Variants in CSMD1 observed in about 807,000 individuals in gnomAD.
The protein encoded by CSMD1 is CUB and Sushi multiple domains 1, also known as CUB and sushi domain-containing protein 1.
In CSMD1, 213 loss-of-function variants were observed where a neutral mutation model predicts 417.5. The observed-to-expected ratio is 0.51, with a 90% confidence interval of 0.46 to 0.57. CSMD1 has a LOEUF of 0.57. CSMD1 is among the 20% of genes least tolerant of loss of function. CSMD1 has a pLI of 0.00. For synonymous variants in CSMD1, 2,862 were observed against 1,736.8 expected (o/e 1.65, Z -16.11); for missense variants, 6,923 against 4,529.7 (o/e 1.53, Z -15.17).
chr8:3,390,115 G>T (rs935385601), intron 17 of CSMD1, among the ~76,000 whole-genome samples: 1 of 152,068 alleles, frequency 6.6e-6, no homozygotes, highest in African/African-American at 2.4e-5. Context: ...AGCACTTTGG[G>T]AGGCCGAGGT....
At chr8:3,991,163 G>A (rs891436761) in intron 5 of CSMD1, among the ~76,000 whole-genome samples, 6 of 152,180 alleles carry the variant, frequency 3.9e-5, no homozygotes, top group African/African-American at 1.2e-4. Flanking sequence ...TTGTGGAGAG[G>A]GTGCCTAATC....
chr8:3,447,014 G>A lies in CSMD1; in HGVS notation c.1561+21698C>T, dbSNP rs908380367. On this transcript the variant is annotated intron_variant, in intron 12 of 69. Coordinates refer to ENST00000635120, the MANE Select transcript of CSMD1 (RefSeq NM_033225.6). ...TAAAGAATAAAGGAATTGGTGAAAT[G>A]TTATTTCATTTTCAGGAAGACAGAA... Among the ~76,000 whole-genome samples the A allele has an allele frequency of 3.3e-5, 5 of 152,296 alleles. No homozygotes were observed. In the South Asian group the frequency reaches 6.2e-4, roughly 19 times the overall value.
chr8:3,407,727 T>C, intron 14 of CSMD1, among the ~76,000 whole-genome samples, 172 bp downstream of exon 14: 1 of 152,200 alleles, frequency 6.6e-6, no homozygotes, highest in Non-Finnish European at 1.5e-5. Flanking sequence ...AGTGATACAT[T>C]TGTTTTTAAG....
chr8:3,762,230 G>A (rs2046197), intron 5 of CSMD1, among the ~76,000 whole-genome samples: 1 of 151,716 alleles, frequency 6.6e-6, no homozygotes, highest in East Asian at 2.0e-4. Context: ...TCCTGACTCA[G>A]ATCATCCCAT....
intron 27 of CSMD1, among the ~76,000 whole-genome samples, chr8:3,228,217 T>C (rs1386128201): frequency 3.3e-5 from 5 of 152,244 alleles, no homozygotes; most frequent in Non-Finnish European, 5.9e-5. Context: ...CAGTAAAATG[T>C]ATTACCCTTT....
chr8:3,997,425 G>C (rs893387904), intron 5 of CSMD1, among the ~76,000 whole-genome samples: 1 of 152,116 alleles, frequency 6.6e-6, no homozygotes, highest in African/African-American at 2.4e-5. Flanking sequence ...TTGCCTTTGA[G>C]GATCTTGTAG....
chr8:3,685,091 T>G (rs1799879812), intron 7 of CSMD1, among the ~76,000 whole-genome samples: 1 of 152,180 alleles, frequency 6.6e-6, no homozygotes, highest in African/African-American at 2.4e-5. Context: ...ATAAAACGAT[T>G]TACTGGGTTC....
chr8:4,771,997 T>C (rs1274395577), intron 1 of CSMD1, among the ~76,000 whole-genome samples: 2 of 152,162 alleles, frequency 1.3e-5, no homozygotes, highest in Non-Finnish European at 2.9e-5. Context: ...ACAAGACCCA[T>C]GTCTCGTTTC....
At chr8:4,364,280 C>G (rs368965580) in intron 3 of CSMD1, among the ~76,000 whole-genome samples, 1 of 152,290 alleles carries the variant, frequency 6.6e-6, no homozygotes, top group African/African-American at 2.4e-5. Flanking sequence ...TTACAACTTT[C>G]TTTAAGCCAA....
intron 5 of CSMD1, among the ~76,000 whole-genome samples, chr8:3,850,473 T>G (rs979587141): frequency 6.6e-6 from 1 of 152,160 alleles, no homozygotes; most frequent in Non-Finnish European, 1.5e-5. Flanking sequence ...GGCAGGCAGA[T>G]AACTTGAGGT....
chr8:3,340,450 T>A (rs1207520039), intron 23 of CSMD1, among the ~76,000 whole-genome samples: 2 of 152,244 alleles, frequency 1.3e-5, no homozygotes. Context: ...CTCATGTATA[T>A]GCATTAATTA....
intron 7 of CSMD1, among the ~76,000 whole-genome samples, chr8:3,625,106 T>C (rs922306315): frequency 1.5e-4 from 23 of 152,224 alleles, no homozygotes; most frequent in African/African-American, 5.1e-4. Context: ...TTACAGAATA[T>C]TTGTACAGTC....
At chr8:4,127,043 T>C (rs1802805214) in intron 3 of CSMD1, among the ~76,000 whole-genome samples, 1 of 151,694 alleles carries the variant, frequency 6.6e-6, no homozygotes, top group African/African-American at 2.4e-5. Context: ...TCCAAAATCA[T>C]AGTTCAAGTT....
intron 3 of CSMD1, among the ~76,000 whole-genome samples, chr8:4,375,370 C>G (rs977376346): frequency 3.3e-5 from 5 of 152,104 alleles, no homozygotes; most frequent in Admixed American, 6.5e-5. Flanking sequence ...CACAGGGGCA[C>G]TTTTGAGAGG....
chr8:4,002,091 A>G (rs1382784741), intron 4 of CSMD1, among the ~76,000 whole-genome samples: 2 of 152,194 alleles, frequency 1.3e-5, no homozygotes, highest in East Asian at 3.8e-4. Flanking sequence ...GATTAATTGA[A>G]TATTACACAT....
intron 26 of CSMD1, among the ~76,000 whole-genome samples, chr8:3,237,819 ACTAC>A (rs1799250470): frequency 6.8e-5 from 8 of 118,448 alleles, no homozygotes; most frequent in African/African-American, 1.9e-4. Flanking sequence ...TTATACTTAT[ACTAC>A]AAGTATAATT....
intron 1 of CSMD1, among the ~76,000 whole-genome samples, chr8:4,972,551 G>A (rs935004583): frequency 2.0e-5 from 3 of 152,112 alleles, no homozygotes; most frequent in Non-Finnish European, 4.4e-5. Flanking sequence ...TCCCAGCCAT[G>A]GGGAACTGTG....
intron 7 of CSMD1, among the ~76,000 whole-genome samples, chr8:3,694,473 C>T (rs144175328): frequency 6.7e-4 from 102 of 152,166 alleles, no homozygotes; most frequent in African/African-American, 2.3e-3. Context: ...GACGGCCAGG[C>T]CGAAAACACC....
intron 1 of CSMD1, among the ~76,000 whole-genome samples, chr8:4,987,948 T>G (rs1207450733): frequency 9.2e-5 from 14 of 152,332 alleles, no homozygotes; most frequent in Admixed American, 2.0e-4. Context: ...GGCTGAAGAC[T>G]GCACTGTTGA....
Sources: gnomAD v4.1 joint callset for allele counts (sites outside exome capture counted in the v4.1 genomes callset) on GRCh38, gnomAD v4.1.1 for gene constraint, MANE v1.5 for transcripts, NCBI Gene and HGNC (gene_info 2026-07-23, HGNC 2026-07-21) for gene names.